USP25: variants seen among roughly 807,000 people sequenced by gnomAD.
USP25 encodes ubiquitin specific peptidase 25.
A neutral mutation model predicts 158.5 loss-of-function variants in USP25; 85 were observed. The ratio of observed to expected loss-of-function variants is 0.54; its 90% confidence interval spans 0.45 to 0.64. USP25 has a LOEUF of 0.64. Ranked by LOEUF, USP25 falls within the 30% of genes least tolerant of loss-of-function variation. The pLI is 0.00. For missense variants in USP25, 1,242 were observed against 1,327.3 expected (o/e 0.94, Z 1.00); for synonymous variants, 464 against 460.4 (o/e 1.01, Z -0.10).
At position 15,813,642 on chromosome 21, in the gene USP25, A is replaced by AT. The variant is rs1600998487; in HGVS notation, c.931+2435dup. Among the ~76,000 whole-genome samples the AT allele has an allele frequency of 2.6e-5, 4 of 152,126 alleles. 1 individual carries two copies. Among genetic ancestry groups the AT allele is most frequent in the Admixed American group, 1.3e-4 (2 of 15,280 alleles). The stretch of plus-strand genomic sequence containing the variant: ...CTCCCACTCTTTCTTTCTCATCAAT[A>AT]TTTACACATTGTCTGGTATCTCAAA... On this transcript the variant is annotated intron_variant, in intron 9 of 25. Transcript: ENST00000400183.
intron 1 of USP25, among the ~76,000 whole-genome samples, chr21:15,752,194 A>G (rs1281178550): frequency 6.6e-6 from 1 of 151,186 alleles, no homozygotes. Flanking sequence ...CGGCCTCGCA[A>G]AGTGTTGGGA....
In USP25 at chr21:15,771,367, G is replaced by T. The variant is rs1004302970; in HGVS notation, c.268+5226G>T. Reference sequence around the variant, plus strand: ...ACAAACAAGTGATGGGGGTGTGCTTGTGGGCTGGGCATAGGATAATATGTG... The same window carrying T: ...ACAAACAAGTGATGGGGGTGTGCTTTTGGGCTGGGCATAGGATAATATGTG... On this transcript the variant is annotated intron_variant, in intron 3 of 25. Transcript: ENST00000400183. Among the ~76,000 whole-genome samples the T allele has an allele frequency of 5.3e-5, 8 of 152,202 alleles. No homozygotes were observed. In the East Asian group the frequency reaches 1.6e-3, roughly 30 times the overall value.
chr21:15,878,709 A>T lies in USP25; in HGVS notation c.*234A>T, dbSNP rs2146625225. On this transcript the variant is annotated 3_prime_UTR_variant, in exon 26 of 26. Transcript: ENST00000400183. Reference sequence around the variant, plus strand: ...TGATGTATAATCACAAATCTAATTGATTTTATTATGGCAAAACTATGCTTT... The same window carrying T: ...TGATGTATAATCACAAATCTAATTGTTTTTATTATGGCAAAACTATGCTTT... 2.5e-6 allele frequency: 1 copy of T among 407,172 alleles called. No individual in the cohort carries two copies. The highest frequency in any genetic ancestry group is 4.1e-5 in the East Asian group (1 of 24,186). The allele number at this position is 407,172 out of a possible 1,614,324, so 25.2% of individuals were successfully genotyped here.
chr21:15,847,531 A>T (rs2038679515), intron 18 of USP25, 132 bp from the exon 19 acceptor site: 2 of 598,296 alleles, frequency 3.3e-6, no homozygotes. Context: ...TGTGCGTTGG[A>T]ACTTTTAAAA....
intron 1 of USP25, among the ~76,000 whole-genome samples, chr21:15,738,554 T>A (rs2031737612): frequency 6.6e-6 from 1 of 152,238 alleles, no homozygotes; most frequent in Non-Finnish European, 1.5e-5. Context: ...AAATTTGTTA[T>A]TGGTGTATGC....
At chr21:15,854,072 A>T (rs2823508) in intron 20 of USP25, among the ~76,000 whole-genome samples, 1 of 151,880 alleles carries the variant, frequency 6.6e-6, no homozygotes, top group Non-Finnish European at 1.5e-5. Flanking sequence ...CCTCAATTAG[A>T]TATAGTATTT....
chr21:15,850,976 TA>T (rs35328917), intron 20 of USP25, among the ~76,000 whole-genome samples: 1 of 152,088 alleles, frequency 6.6e-6, no homozygotes, highest in East Asian at 1.9e-4. Context: ...AATCTACTTC[TA>T]AAAAAAGAAG....
intron 1 of USP25, among the ~76,000 whole-genome samples, chr21:15,761,720 G>C (rs191740991): frequency 2.6e-5 from 4 of 152,302 alleles, no homozygotes; most frequent in Non-Finnish European, 5.9e-5. Context: ...GCAAACCCTG[G>C]AAGCATGCCA....
chr21:15,848,254 A>G (rs1490194890), intron 19 of USP25, among the ~76,000 whole-genome samples: 1 of 152,144 alleles, frequency 6.6e-6, no homozygotes, highest in African/African-American at 2.4e-5. Context: ...GAGTGGAGTA[A>G]GTCATCACCG....
intron 4 of USP25, among the ~76,000 whole-genome samples, chr21:15,784,004 G>A (rs1568799874): frequency 6.6e-6 from 1 of 151,882 alleles, no homozygotes; most frequent in African/African-American, 2.4e-5. Flanking sequence ...AAATAGAGAC[G>A]TTTCCAGACA....
chr21:15,785,610 C>T (rs2035227239), intron 4 of USP25, among the ~76,000 whole-genome samples: 1 of 151,956 alleles, frequency 6.6e-6, no homozygotes, highest in Non-Finnish European at 1.5e-5. Flanking sequence ...TAGAAAGTTC[C>T]CTGGGACAAA....
At chr21:15,778,100 T>C in intron 4 of USP25, 73 bp downstream of exon 4, 1 of 1,353,728 alleles carries the variant, frequency 7.4e-7, no homozygotes, top group South Asian at 1.7e-5. Context: ...GTTAAATTAA[T>C]TTTAAGAGGT....
At chr21:15,733,692 A>C (rs2031190962) in intron 1 of USP25, among the ~76,000 whole-genome samples, 1 of 152,124 alleles carries the variant, frequency 6.6e-6, no homozygotes, top group Non-Finnish European at 1.5e-5. Flanking sequence ...AAATACAAAA[A>C]TTAGCCAGGC....
rs2040151362 is a variant in USP25, at chr21:15,877,691, T to C, written c.3010-105T>C. 3.7e-6 allele frequency: 3 copies of C among 804,156 alleles called. No individual in the cohort carries two copies. In the Middle Eastern group the frequency reaches 1.1e-3, roughly 301 times the overall value. 49.8% of individuals were successfully genotyped at this position (804,156 alleles called of 1,614,324 possible). A position where few individuals can be genotyped will look rare whatever the true frequency, so the allele number is the denominator to read the frequency against. On this transcript the variant is annotated intron_variant, in intron 24 of 25. Coordinates refer to ENST00000400183, the MANE Select transcript of USP25 (RefSeq NM_001283041.3). ...CTCTAAATACCGTTTGTTCTAATAC[T>C]GTTTGTGAACATATTTATGTTGTCT... is the stretch of plus-strand genomic sequence containing the variant.
chr21:15,830,170 G>A (rs1458275219), intron 14 of USP25, among the ~76,000 whole-genome samples: 2 of 152,090 alleles, frequency 1.3e-5, no homozygotes, highest in Non-Finnish European at 2.9e-5. Flanking sequence ...GATATGTGGT[G>A]AACATGTTTT....
At chr21:15,755,675 A>G (rs897712816) in intron 1 of USP25, among the ~76,000 whole-genome samples, 15 of 152,172 alleles carry the variant, frequency 9.9e-5, no homozygotes, top group Non-Finnish European at 2.2e-4. Context: ...ACAGTCTGGT[A>G]TAGGGAAGTT....
rs752990262 is a variant in USP25 at position 15,878,504 on chromosome 21, T to A, written c.*29T>A. On this transcript the variant is annotated 3_prime_UTR_variant, in exon 26 of 26. Coordinates refer to ENST00000400183, the MANE Select transcript of USP25 (RefSeq NM_001283041.3). ...GCACACTTTCCCTGAACACACTGTATAAACTCTTTTTAGTTCTTAACCCTT... is the reference window on the plus strand; with the variant it reads ...GCACACTTTCCCTGAACACACTGTAAAAACTCTTTTTAGTTCTTAACCCTT... 4 of 1,596,896 alleles carry A rather than the reference T, an allele frequency of 2.5e-6. No homozygotes were observed. The highest frequency in any genetic ancestry group is 1.3e-5 in the African/African-American group (1 of 74,388).
intron 17 of USP25, among the ~76,000 whole-genome samples, chr21:15,836,190 C>G (rs1601079649): frequency 6.6e-6 from 1 of 152,132 alleles, no homozygotes; most frequent in Non-Finnish European, 1.5e-5. Flanking sequence ...GATTTTTTTC[C>G]TCCCTGCAAA....
intron 18 of USP25, among the ~76,000 whole-genome samples, chr21:15,846,991 C>G (rs893835556): frequency 6.6e-6 from 1 of 152,052 alleles, no homozygotes; most frequent in African/African-American, 2.4e-5. Flanking sequence ...CAGCTTCCAA[C>G]AGCTTTTTCT....
Sources: allele counts gnomAD v4.1 joint callset (sites outside exome capture counted in the v4.1 genomes callset), GRCh38; gene constraint gnomAD v4.1.1; transcripts MANE v1.5; gene names NCBI Gene and HGNC (gene_info 2026-07-23, HGNC 2026-07-21).